The following GABRG3 variants were observed in gnomAD, a reference collection of about 807,000 sequenced individuals.
GABRG3 encodes the protein gamma-aminobutyric acid receptor subunit gamma-3.
In GABRG3, 25 loss-of-function variants were observed where a neutral mutation model predicts 48.8. The observed-to-expected ratio is 0.51, with a 90% CI of 0.37 to 0.72. The LOEUF (loss-of-function observed/expected upper bound fraction) is 0.72. GABRG3 is among the 30% of genes least tolerant of loss of function. The pLI is 0.00. For synonymous variants in GABRG3, 227 were observed against 217.6 expected (o/e 1.04, Z -0.38); for missense variants, 394 against 577.9 (o/e 0.68, Z 3.26).
intron 6 of GABRG3, among the ~76,000 whole-genome samples, chr15:27,483,473 A>G (rs1447885175): frequency 6.6e-6 from 1 of 152,222 alleles, no homozygotes; most frequent in Non-Finnish European, 1.5e-5. Context: ...TCATGTTCAC[A>G]GGTACTGAGG....
intron 3 of GABRG3, among the ~76,000 whole-genome samples, chr15:27,217,142 G>A (rs1354017908): frequency 1.3e-5 from 2 of 151,854 alleles, no homozygotes; most frequent in African/African-American, 4.8e-5. Context: ...ATTCCATGGT[G>A]TATATGTGCC....
intron 5 of GABRG3, among the ~76,000 whole-genome samples, chr15:27,406,223 G>A (rs944906316): frequency 6.6e-6 from 1 of 151,982 alleles, no homozygotes; most frequent in Non-Finnish European, 1.5e-5. Flanking sequence ...AATAAATGGG[G>A]AGGGAAGAAA....
intron 5 of GABRG3, among the ~76,000 whole-genome samples, chr15:27,336,222 G>A (rs981542805): frequency 2.1e-5 from 3 of 145,288 alleles, no homozygotes; most frequent in African/African-American, 8.3e-5. Context: ...GAGAGAGAGA[G>A]AGAGAGAGAG....
At chr15:27,071,944 T>G (rs1896834274) in intron 3 of GABRG3, among the ~76,000 whole-genome samples, 1 of 152,244 alleles carries the variant, frequency 6.6e-6, no homozygotes, top group Non-Finnish European at 1.5e-5. Flanking sequence ...CCTCTCAGGC[T>G]GGAAGATAGA....
intron 2 of GABRG3, among the ~76,000 whole-genome samples, chr15:26,993,886 C>T (rs1441325637): frequency 6.6e-6 from 1 of 151,782 alleles, no homozygotes; most frequent in Non-Finnish European, 1.5e-5. Context: ...CTGTGTGCTC[C>T]AGTGTTGGGT....
chr15:27,172,889 G>A (rs1280910530), intron 3 of GABRG3, among the ~76,000 whole-genome samples: 3 of 152,118 alleles, frequency 2.0e-5, no homozygotes, highest in Non-Finnish European at 2.9e-5. Context: ...CTGGAAGGAG[G>A]GAGCTCATTC....
intron 3 of GABRG3, among the ~76,000 whole-genome samples, chr15:27,274,250 G>A (rs975307546): frequency 1.3e-5 from 2 of 152,162 alleles, no homozygotes; most frequent in Non-Finnish European, 2.9e-5. Context: ...AAAGACTGTG[G>A]TATTTGCTTT....
At chr15:27,110,991 C>T (rs1897539290) in intron 3 of GABRG3, among the ~76,000 whole-genome samples, 1 of 152,166 alleles carries the variant, frequency 6.6e-6, no homozygotes, top group African/African-American at 2.4e-5. Context: ...GCTTCATTCT[C>T]TCTTTATTCT....
intron 3 of GABRG3, among the ~76,000 whole-genome samples, chr15:27,215,396 C>G (rs1209620963): frequency 1.3e-5 from 2 of 152,250 alleles, no homozygotes; most frequent in East Asian, 3.9e-4. Context: ...TCCTAAGGGC[C>G]AGGATTGGAG....
intron 3 of GABRG3, among the ~76,000 whole-genome samples, chr15:27,303,157 T>C (rs1191572330): frequency 2.0e-5 from 3 of 150,696 alleles, no homozygotes; most frequent in Admixed American, 6.6e-5. Context: ...CCAAGAACAG[T>C]AGATGAAATT....
At chr15:27,153,370 A>G (rs997534140) in intron 3 of GABRG3, among the ~76,000 whole-genome samples, 4 of 152,280 alleles carry the variant, frequency 2.6e-5, no homozygotes. Context: ...TCCCTCTGAC[A>G]ATATCACACA....
intron 3 of GABRG3, among the ~76,000 whole-genome samples, chr15:27,071,714 A>G (rs888122782): frequency 6.6e-6 from 1 of 152,104 alleles, no homozygotes; most frequent in Non-Finnish European, 1.5e-5. Context: ...CTGAAGACCT[A>G]TTTTCTAGAG....
chr15:27,367,462 G>A (rs1223805061), intron 5 of GABRG3, among the ~76,000 whole-genome samples: 1 of 152,158 alleles, frequency 6.6e-6, no homozygotes, highest in Non-Finnish European at 1.5e-5. Context: ...GTTAGGGAGG[G>A]AGAATACCAC....
chr15:27,175,722 G>A (rs995500728), intron 3 of GABRG3, among the ~76,000 whole-genome samples: 3 of 152,222 alleles, frequency 2.0e-5, no homozygotes, highest in Admixed American at 2.0e-4. Context: ...CATCCCTTGA[G>A]ATTGCCCTGG....
chr15:27,362,932 A>G (rs1895070836), intron 5 of GABRG3: 1 of 152,232 alleles, frequency 6.6e-6, no homozygotes, highest in Admixed American at 6.5e-5. Flanking sequence ...ATAGGTGAAA[A>G]ATAGCAATTG....
intron 3 of GABRG3, among the ~76,000 whole-genome samples, chr15:27,293,250 T>G (rs574372268): frequency 5.3e-5 from 8 of 152,262 alleles, no homozygotes; most frequent in Admixed American, 5.2e-4. Flanking sequence ...TAGAATTAGA[T>G]TTAGAATTAA....
At position 27,337,699 on chromosome 15, in the gene GABRG3, G is replaced by A. The variant is rs368216759; in HGVS notation, c.574+8811G>A. Among the ~76,000 whole-genome samples the A allele has an allele frequency of 1.2e-4, 19 of 152,032 alleles. No homozygotes were observed. The South Asian group carries it at 2.7e-3, about 22-fold the overall frequency. ...TTTTTTCTCCCTGTTTATTTCCAGC[G>A]TCTTTCTTTATACATGCTCTGCACT... On this transcript the variant is annotated intron_variant, in intron 5 of 9. Transcript: ENST00000615808.
chr15:27,370,933 G>A (rs1895388966), intron 5 of GABRG3, among the ~76,000 whole-genome samples: 1 of 152,148 alleles, frequency 6.6e-6, no homozygotes, highest in South Asian at 2.1e-4. Context: ...GCACAAGTGG[G>A]ACGCTCACTG....
intron 3 of GABRG3, among the ~76,000 whole-genome samples, chr15:27,308,749 A>T (rs1214602179): frequency 6.7e-6 from 1 of 149,436 alleles, no homozygotes; most frequent in South Asian, 2.2e-4. Context: ...TTATATGTAA[A>T]CATATAATGT....
Sources: gnomAD v4.1 joint callset for allele counts (sites outside exome capture counted in the v4.1 genomes callset) on GRCh38, gnomAD v4.1.1 for gene constraint, MANE v1.5 for transcripts, NCBI Gene and HGNC (gene_info 2026-07-23, HGNC 2026-07-21) for gene names.